CNBD1: variants seen among roughly 807,000 people sequenced by gnomAD.
CNBD1 encodes cyclic nucleotide binding domain containing 1, also known as cyclic nucleotide-binding domain-containing protein 1.
CNBD1 carries 71 observed loss-of-function variants against 54.4 expected under a neutral mutation model. That is an observed-to-expected ratio of 1.30 (90% CI 1.08 to 1.59). The LOEUF (loss-of-function observed/expected upper bound fraction) is 1.59, where lower values mean the gene tolerates loss of function less well. Ranked by LOEUF, CNBD1 falls within the 40% of genes most tolerant of loss-of-function variation. The pLI is 0.00. For synonymous variants in CNBD1, 182 were observed against 170.7 expected (o/e 1.07, Z -0.51); for missense variants, 659 against 518.0 (o/e 1.27, Z -2.64).
intron 4 of CNBD1, among the ~76,000 whole-genome samples, chr8:86,968,165 A>G (rs1033780193): frequency 5.9e-5 from 9 of 152,102 alleles, no homozygotes; most frequent in African/African-American, 2.2e-4. Flanking sequence ...TTTGTAAAAT[A>G]GTTTATTTTG....
chr8:86,922,512 C>G lies in CNBD1; in HGVS notation c.273-17084C>G, dbSNP rs576895582. Reference sequence around the variant, plus strand: ...TTGTCCTTTGTACCCCAAATTAACCCCTCTACCATGACATAAAAAGGAAAG... The same window carrying G: ...TTGTCCTTTGTACCCCAAATTAACCGCTCTACCATGACATAAAAAGGAAAG... On this transcript the variant is annotated intron_variant, in intron 3 of 10. Coordinates refer to ENST00000518476, the MANE Select transcript of CNBD1 (RefSeq NM_173538.3). Among the ~76,000 whole-genome samples, 4 of 152,196 alleles carry G rather than the reference C, an allele frequency of 2.6e-5. No individual in the cohort carries two copies. The South Asian group carries it at 8.3e-4, about 32-fold the overall frequency.
chr8:87,343,614 A>G lies in CNBD1; in HGVS notation c.1043-8071A>G, dbSNP rs1288123547. Reference sequence around the variant, plus strand: ...TATGTGTTGTTTAGGCTTTCAATTAAGGAGCAGAGAGCTTTTGTACATTTT... The same window carrying G: ...TATGTGTTGTTTAGGCTTTCAATTAGGGAGCAGAGAGCTTTTGTACATTTT... On this transcript the variant is annotated intron_variant, in intron 8 of 10. Transcript: ENST00000518476. 2.6e-5 allele frequency among the ~76,000 whole-genome samples: 4 copies of G among 152,328 alleles called. No individual in the cohort carries two copies. The East Asian group carries it at 5.8e-4, about 22-fold the overall frequency.
chr8:86,954,249 A>T (rs1209799494), intron 4 of CNBD1, among the ~76,000 whole-genome samples: 2 of 152,222 alleles, frequency 1.3e-5, no homozygotes, highest in African/African-American at 2.4e-5. Flanking sequence ...AATTCTTTAA[A>T]AAATAAAACC....
At chr8:87,141,140 A>T (rs2130738388) in intron 4 of CNBD1, among the ~76,000 whole-genome samples, 1 of 152,296 alleles carries the variant, frequency 6.6e-6, no homozygotes, top group South Asian at 2.1e-4. Context: ...CAATTTACTT[A>T]GTAGAAATAC....
At chr8:86,887,394 T>C (rs1045855317) in intron 1 of CNBD1, 148 bp from the exon 2 acceptor site, 23 of 558,176 alleles carry the variant, frequency 4.1e-5, no homozygotes, top group African/African-American at 3.8e-4. Flanking sequence ...CAGTTCTACT[T>C]GTGTATTAAA....
At chr8:87,270,881 G>A (rs1256638070) in intron 6 of CNBD1, among the ~76,000 whole-genome samples, 2 of 151,740 alleles carry the variant, frequency 1.3e-5, no homozygotes, top group South Asian at 2.1e-4. Context: ...TTAGAATACA[G>A]CAGTGAAGCT....
intron 8 of CNBD1, among the ~76,000 whole-genome samples, chr8:87,290,125 CAT>C (rs1808760202): frequency 6.6e-6 from 1 of 151,996 alleles, no homozygotes; most frequent in East Asian, 1.9e-4. Flanking sequence ...AAATGTGACT[CAT>C]GTAGCTCTAT....
intron 8 of CNBD1, among the ~76,000 whole-genome samples, chr8:87,320,804 A>G (rs768196737): frequency 2.0e-5 from 3 of 152,108 alleles, no homozygotes; most frequent in Non-Finnish European, 2.9e-5. Flanking sequence ...TGCTCAGCAT[A>G]TCTCTCTAAT....
chr8:87,054,057 A>C (rs1039300598), intron 4 of CNBD1, among the ~76,000 whole-genome samples: 1 of 152,256 alleles, frequency 6.6e-6, no homozygotes, highest in Admixed American at 6.5e-5. Context: ...TGTCAAAGAC[A>C]TAGTTTCTCC....
intron 4 of CNBD1, among the ~76,000 whole-genome samples, chr8:87,171,066 T>C (rs1266324437): frequency 6.6e-6 from 1 of 152,202 alleles, no homozygotes; most frequent in African/African-American, 2.4e-5. Context: ...CTCCTCTATT[T>C]TTTGTAATAG....
intron 4 of CNBD1, among the ~76,000 whole-genome samples, chr8:87,185,852 G>A (rs887075124): frequency 5.3e-5 from 8 of 152,142 alleles, no homozygotes; most frequent in East Asian, 3.9e-4. Context: ...TCTGACCCAC[G>A]TAAGTTCCTT....
At chr8:87,090,869 G>A (rs900452614) in intron 4 of CNBD1, among the ~76,000 whole-genome samples, 4 of 151,946 alleles carry the variant, frequency 2.6e-5, no homozygotes, top group East Asian at 1.9e-4. Flanking sequence ...GGCTGTGCAC[G>A]GTGGCTCACA....
chr8:87,113,484 C>T (rs1026090826), intron 4 of CNBD1, among the ~76,000 whole-genome samples: 5 of 152,114 alleles, frequency 3.3e-5, no homozygotes, highest in African/African-American at 9.7e-5. Context: ...CAGTAGAGTA[C>T]TTGCTTTATA....
intron 5 of CNBD1, among the ~76,000 whole-genome samples, chr8:87,223,943 G>A (rs1440114506): frequency 3.3e-5 from 5 of 152,180 alleles, no homozygotes; most frequent in South Asian, 2.1e-4. Flanking sequence ...TCTAACTGGT[G>A]TGAGATGGTA....
chr8:87,134,594 CTTTT>C (rs1167232265), intron 4 of CNBD1, among the ~76,000 whole-genome samples: 2 of 86,964 alleles, frequency 2.3e-5, no homozygotes, highest in African/African-American at 4.3e-5. Flanking sequence ...ATTAGATTAC[CTTTT>C]TTTTTTTTTT....
At chr8:86,883,918 G>A (rs896575459) in intron 1 of CNBD1, among the ~76,000 whole-genome samples, 3 of 152,042 alleles carry the variant, frequency 2.0e-5, no homozygotes, top group East Asian at 1.9e-4. Context: ...TTGGGAGGCC[G>A]AGGTGGGCGG....
intron 8 of CNBD1, among the ~76,000 whole-genome samples, chr8:87,334,723 T>C (rs996072341): frequency 6.0e-5 from 6 of 100,086 alleles, no homozygotes; most frequent in Non-Finnish European, 1.2e-4. Context: ...TTTTTTCTTT[T>C]CTTTTTTTTT....
chr8:87,346,063 C>G (rs767504673), intron 8 of CNBD1, among the ~76,000 whole-genome samples: 13 of 151,010 alleles, frequency 8.6e-5, no homozygotes, highest in Non-Finnish European at 1.2e-4. Flanking sequence ...GTGGGGGGGA[C>G]AGAGTTTCAC....
In CNBD1 at chr8:87,399,330, A is replaced by G. The variant is rs779724386; in HGVS notation, c.214-29216A>G. On this transcript the variant is annotated intron_variant, in intron 2 of 7. Transcript: ENST00000521593. ...GCCTTGGACACTGTGCATGTGCACA[A>G]TAGGAATGATTTAGGGTCACTAGGA... Among the ~76,000 whole-genome samples, 22 of 152,170 alleles carry G rather than the reference A, an allele frequency of 1.4e-4. 2 individuals are homozygous for G. The highest frequency in any genetic ancestry group is 1.3e-3 in the Admixed American group (20 of 15,254).
Sources: gnomAD v4.1 joint callset for allele counts (sites outside exome capture counted in the v4.1 genomes callset) on GRCh38, gnomAD v4.1.1 for gene constraint, MANE v1.5 for transcripts, NCBI Gene and HGNC (gene_info 2026-07-23, HGNC 2026-07-21) for gene names.